TTLL9: variants seen among roughly 807,000 people sequenced by gnomAD.
TTLL9 encodes tubulin tyrosine ligase like 9.
A neutral mutation model predicts 65.6 loss-of-function variants in TTLL9; 47 were observed. That is an observed-to-expected ratio of 0.72 (90% confidence interval 0.57 to 0.91). The LOEUF is 0.91. Among genes scored for constraint, TTLL9 ranks in the 40% least tolerant of loss-of-function variants. The pLI, the probability that TTLL9 is intolerant of heterozygous loss-of-function variation, is 0.00. For missense variants in TTLL9, 537 were observed against 568.8 expected (o/e 0.94, Z 0.57); for synonymous variants, 179 against 204.8 (o/e 0.87, Z 1.07).
chr20:31,911,713 G>C (rs556501671), intron 6 of TTLL9, among the ~76,000 whole-genome samples: 1 of 152,258 alleles, frequency 6.6e-6, no homozygotes, highest in Admixed American at 6.5e-5. Context: ...TGCTAATTGG[G>C]AACAGCACTT....
intron 10 of TTLL9, among the ~76,000 whole-genome samples, chr20:31,929,175 C>T (rs1345421476): frequency 2.0e-5 from 3 of 152,180 alleles, no homozygotes; most frequent in Non-Finnish European, 4.4e-5. Flanking sequence ...GGATTACAGG[C>T]GTGAGCCACC....
At chr20:31,915,545 A>G (rs2063721512) in intron 6 of TTLL9, among the ~76,000 whole-genome samples, 1 of 152,196 alleles carries the variant, frequency 6.6e-6, no homozygotes, top group African/African-American at 2.4e-5. Context: ...AGCTGCCCCC[A>G]GAACTAGCAG....
intron 2 of TTLL9, among the ~76,000 whole-genome samples, chr20:31,879,096 G>A (rs1004992399): frequency 1.3e-5 from 2 of 152,196 alleles, no homozygotes; most frequent in African/African-American, 2.4e-5. Context: ...GTCGAGGCAG[G>A]TGGATCATGA....
chr20:31,937,631 C>T, intron 13 of TTLL9, 122 bp downstream of exon 13: 1 of 701,590 alleles, frequency 1.4e-6, no homozygotes, highest in Non-Finnish European at 2.3e-6. Flanking sequence ...CTGGCCTGCC[C>T]CACCACTTTA....
At chr20:31,909,588 A>C in intron 5 of TTLL9, 149 bp from the exon 6 acceptor site, 1 of 664,728 alleles carries the variant, frequency 1.5e-6, no homozygotes, top group Non-Finnish European at 2.5e-6. Flanking sequence ...TTGACTAGCA[A>C]GCTCTTTCTG....
chr20:31,920,229 GCA>G (rs3046855), intron 7 of TTLL9, among the ~76,000 whole-genome samples: 10,833 of 150,420 alleles, frequency 0.072, 388 homozygotes, highest in Middle Eastern at 0.21. Flanking sequence ...GCAAACACGC[GCA>G]CACACACACA....
In TTLL9 at chr20:31,926,035, C is replaced by G. The variant is rs375204303; in HGVS notation, c.706-14C>G. 2 of 1,613,828 alleles carry G rather than the reference C, an allele frequency of 1.2e-6. No individual in the cohort carries two copies. Among genetic ancestry groups the G allele is most frequent in the Non-Finnish European group, 8.5e-7 (1 of 1,179,952 alleles). ...CACTCTGGCCAGTCCCAAGTGAACTCCTTTGTCCCACAGGTGTTTGCTGAA... is the reference window on the plus strand; with the variant it reads ...CACTCTGGCCAGTCCCAAGTGAACTGCTTTGTCCCACAGGTGTTTGCTGAA... On this transcript the variant is annotated splice_polypyrimidine_tract_variant and intron_variant, in intron 9 of 14. Transcript: ENST00000535842.
intron 2 of TTLL9, 71 bp downstream of exon 2, chr20:31,871,266 CT>C: frequency 6.5e-7 from 1 of 1,531,034 alleles, no homozygotes; most frequent in East Asian, 2.3e-5. Context: ...GTATTAATAG[CT>C]AGAGGTCAGG....
chr20:31,890,771 A>G (rs1447808154), intron 3 of TTLL9, among the ~76,000 whole-genome samples: 1 of 152,120 alleles, frequency 6.6e-6, no homozygotes, highest in Non-Finnish European at 1.5e-5. Flanking sequence ...TTATCCACCA[A>G]CTCCAGTCGT....
At chr20:31,935,416 G>A (rs915849277) in intron 12 of TTLL9, among the ~76,000 whole-genome samples, 9 of 152,180 alleles carry the variant, frequency 5.9e-5, no homozygotes, top group Non-Finnish European at 7.4e-5. Flanking sequence ...CAGGGAGCTT[G>A]AGGTCATGTA....
rs2064256744 is a variant in TTLL9 at position 31,943,492 on chromosome 20, AG to A, written c.*473del. The stretch of plus-strand genomic sequence containing the variant: ...TTCAGGAGCAAGAGTTTGGAGGCTA[AG>A]GAACTCGTCTTTAAGCTGTGCTTAC... On this transcript the variant is annotated 3_prime_UTR_variant, in exon 15 of 15. Transcript: ENST00000535842. The A allele has an allele frequency of 1.2e-5, 4 of 325,358 alleles. No homozygotes were observed. In the East Asian group the frequency reaches 3.0e-4, roughly 25 times the overall value. 20.2% of individuals were successfully genotyped at this position (325,358 alleles called of 1,614,324 possible). A position where few individuals can be genotyped will look rare whatever the true frequency, so the allele number is the denominator to read the frequency against.
intron 6 of TTLL9, among the ~76,000 whole-genome samples, chr20:31,913,854 G>A (rs747101804): frequency 1.3e-5 from 2 of 152,236 alleles, no homozygotes; most frequent in Non-Finnish European, 2.9e-5. Context: ...AGGCCGTCAG[G>A]GTTGGTGGGG....
Position 31,944,035 on chromosome 20 carries a change from G to C in TTLL9, c.*1014G>C, listed in dbSNP as rs759236680. ...GAATCTGCCTGCCTAGGTCAAGCCC[G>C]AAGGGAAGACTTTTGGAAGGAAAAT... is the stretch of plus-strand genomic sequence containing the variant. On this transcript the variant is annotated 3_prime_UTR_variant, in exon 15 of 15. Coordinates refer to ENST00000535842, the MANE Select transcript of TTLL9 (RefSeq NM_001008409.5). 1 of 337,196 alleles carries C rather than the reference G, an allele frequency of 3.0e-6. No individual in the cohort carries two copies. Among genetic ancestry groups the C allele is most frequent in the African/African-American group, 2.1e-5 (1 of 46,516 alleles). 20.9% of individuals were successfully genotyped at this position (337,196 alleles called of 1,614,324 possible). A position where few individuals can be genotyped will look rare whatever the true frequency, so the allele number is the denominator to read the frequency against.
chr20:31,930,549 T>G (rs6058494), intron 10 of TTLL9, among the ~76,000 whole-genome samples: 2,194 of 152,306 alleles, frequency 0.014, 58 homozygotes, highest in African/African-American at 0.049. Context: ...TACATTTTAT[T>G]GTTAATTCAT....
At chr20:31,927,939 T>A (rs1234695004) in intron 10 of TTLL9, among the ~76,000 whole-genome samples, 1 of 152,242 alleles carries the variant, frequency 6.6e-6, no homozygotes, top group Non-Finnish European at 1.5e-5. Context: ...TGCAATTTGT[T>A]TTTTTCTATT....
chr20:31,891,995 G>T (rs2063314272), intron 3 of TTLL9, among the ~76,000 whole-genome samples: 1 of 151,694 alleles, frequency 6.6e-6, no homozygotes, highest in Admixed American at 6.6e-5. Flanking sequence ...TACAGATGGG[G>T]TTTCACCATG....
intron 7 of TTLL9, among the ~76,000 whole-genome samples, chr20:31,921,923 G>A (rs143082486): frequency 0.017 from 2,545 of 152,140 alleles, 67 homozygotes; most frequent in African/African-American, 0.057. Flanking sequence ...GTATACATAT[G>A]TAACAAAACT....
chr20:31,887,855 CCTCTTCTCTT>C (rs11273358), intron 3 of TTLL9, among the ~76,000 whole-genome samples: 2,394 of 115,042 alleles, frequency 0.021, 99 homozygotes, highest in African/African-American at 0.08. Context: ...TATCTCCTCT[CCTCTTCTCTT>C]CTCTTCTCTT....
intron 7 of TTLL9, among the ~76,000 whole-genome samples, chr20:31,921,643 A>G (rs1035277957): frequency 2.0e-5 from 3 of 152,262 alleles, no homozygotes; most frequent in Non-Finnish European, 4.4e-5. Context: ...CTATGCTGCC[A>G]TAAAAAAGGA....
Sources: allele counts gnomAD v4.1 joint callset (sites outside exome capture counted in the v4.1 genomes callset), GRCh38; gene constraint gnomAD v4.1.1; transcripts MANE v1.5; gene names NCBI Gene and HGNC (gene_info 2026-07-23, HGNC 2026-07-21).